The following MAP3K2 variants were observed in gnomAD, a reference collection of about 807,000 sequenced individuals.
The protein encoded by MAP3K2 is MAP/ERK kinase kinase 2.
MAP3K2 carries 24 observed loss-of-function variants against 80.3 expected under a neutral mutation model. The ratio of observed to expected loss-of-function variants is 0.30; its 90% CI spans 0.22 to 0.42. The LOEUF (loss-of-function observed/expected upper bound fraction) is 0.42. Ranked by LOEUF, MAP3K2 falls within the 10% of genes least tolerant of loss-of-function variation. MAP3K2 has a pLI of 1.00. For synonymous variants in MAP3K2, 244 were observed against 253.7 expected (o/e 0.96, Z 0.36); for missense variants, 608 against 750.1 (o/e 0.81, Z 2.21).
At chr2:127,376,386 A>T (rs1000678839) in intron 1 of MAP3K2, among the ~76,000 whole-genome samples, 4 of 152,132 alleles carry the variant, frequency 2.6e-5, no homozygotes, top group African/African-American at 9.7e-5. Context: ...TTTGTCATTA[A>T]ATCTATACTG....
chr2:127,363,682 T>C (rs1188574437), intron 1 of MAP3K2, among the ~76,000 whole-genome samples: 14 of 152,232 alleles, frequency 9.2e-5, no homozygotes, highest in Admixed American at 6.5e-4. Context: ...GTCTTCATTA[T>C]ACAGGACCTT....
chr2:127,378,981 G>GTTGT (rs1558992125), intron 1 of MAP3K2, among the ~76,000 whole-genome samples: 4 of 88,050 alleles, frequency 4.5e-5, no homozygotes, highest in South Asian at 4.2e-4. Flanking sequence ...GTTTTTTGTT[G>GTTGT]TTTTTTTTTT....
At chr2:127,363,339 C>T (rs1686921514) in intron 1 of MAP3K2, among the ~76,000 whole-genome samples, 1 of 152,164 alleles carries the variant, frequency 6.6e-6, no homozygotes, top group South Asian at 2.1e-4. Context: ...AAAATGCTAA[C>T]ATCCTCTAAA....
chr2:127,300,716 T>C lies in MAP3K2; in HGVS notation c.*6863A>G, dbSNP rs1023549212. On this transcript the variant is annotated 3_prime_UTR_variant, in exon 17 of 17. Transcript: ENST00000682094. Reference sequence around the variant, plus strand: ...ATTGTTGGTCTTTAAAGAAGTATTCTTATCCTTAGACACTGTACTTTCAAT... The same window carrying C: ...ATTGTTGGTCTTTAAAGAAGTATTCCTATCCTTAGACACTGTACTTTCAAT... The C allele has an allele frequency of 2.0e-5, 3 of 152,226 alleles. No individual in the cohort carries two copies. Among genetic ancestry groups the C allele is most frequent in the African/African-American group, 7.2e-5 (3 of 41,470 alleles). The allele number at this position is 152,226 out of a possible 1,614,324, so 9.4% of individuals were successfully genotyped here. A position where few individuals can be genotyped will look rare whatever the true frequency, so the allele number is the denominator to read the frequency against.
intron 1 of MAP3K2, among the ~76,000 whole-genome samples, chr2:127,347,548 T>TGC (rs1686617944): frequency 1.3e-5 from 2 of 152,186 alleles, no homozygotes; most frequent in African/African-American, 4.8e-5. Context: ...AAATGCAGCT[T>TGC]GCACTCTAAA....
Position 127,387,420 on chromosome 2 carries a change from ACAAGCGCGCGCG to A in MAP3K2, c.-66+20_-66+31del, listed in dbSNP as rs1261948762. The A allele has an allele frequency of 1.0e-6, 1 of 966,524 alleles. No individual in the cohort carries two copies. The highest frequency in any genetic ancestry group is 1.8e-5 in the African/African-American group (1 of 56,192). The allele number at this position is 966,524 out of a possible 1,614,324, so 59.9% of individuals were successfully genotyped here. On this transcript the variant is annotated intron_variant, in intron 1 of 16. Transcript: ENST00000682094. The stretch of plus-strand genomic sequence containing the variant: ...CGCGCACACACACACACACACACAC[ACAAGCGCGCGCG>A]CACGCACACACGCACGTACCGGCTG...
intron 1 of MAP3K2, among the ~76,000 whole-genome samples, chr2:127,349,213 T>C (rs1573996864): frequency 6.6e-6 from 1 of 152,130 alleles, no homozygotes; most frequent in African/African-American, 2.4e-5. Context: ...CAGGTTAGAG[T>C]GCACTGGCAT....
chr2:127,387,906 C>G lies in MAP3K2; in HGVS notation c.-520G>C, dbSNP rs921167065. ...ACCCCCGAACGCTGCGCCCAGCGGC[C>G]GCGGCACCCTCGTCAGGCGCCGCCG... On this transcript the variant is annotated 5_prime_UTR_variant, in exon 1 of 17. Coordinates refer to ENST00000682094, the MANE Select transcript of MAP3K2 (RefSeq NM_001371910.2). 6.8e-5 allele frequency: 67 copies of G among 982,104 alleles called. No homozygotes were observed. Among genetic ancestry groups the G allele is most frequent in the Non-Finnish European group, 7.9e-5 (65 of 827,206 alleles). 60.8% of individuals were successfully genotyped at this position (982,104 alleles called of 1,614,324 possible). A position where few individuals can be genotyped will look rare whatever the true frequency, so the allele number is the denominator to read the frequency against.
rs751537233 is a variant in MAP3K2, at chr2:127,339,085, GT to G, written c.5-36del. 7.8e-7 allele frequency: 1 copy of G among 1,277,912 alleles called. No individual in the cohort carries two copies. Among genetic ancestry groups the G allele is most frequent in the Non-Finnish European group, 1.1e-6 (1 of 893,020 alleles). The allele number at this position is 1,277,912 out of a possible 1,614,324, so 79.2% of individuals were successfully genotyped here. On this transcript the variant is annotated intron_variant, in intron 2 of 16. Transcript: ENST00000682094. This position sits in a 1 kb window ranked among gnomAD's most constrained non-coding sequence, Gnocchi z 4.2. ...TTTGAAACAACACATACATAGAATTGTAATTGTGACATATATATCAACATGT... is the reference window on the plus strand; with the variant it reads ...TTTGAAACAACACATACATAGAATTGAATTGTGACATATATATCAACATGT...
chr2:127,378,789 TG>T (rs1687192670), intron 1 of MAP3K2, among the ~76,000 whole-genome samples: 1 of 152,040 alleles, frequency 6.6e-6, no homozygotes, highest in Non-Finnish European at 1.5e-5. Flanking sequence ...GTTTTTGAGA[TG>T]GGGTCTCACT....
At chr2:127,348,908 G>T (rs1386851608) in intron 1 of MAP3K2, among the ~76,000 whole-genome samples, 1 of 152,046 alleles carries the variant, frequency 6.6e-6, no homozygotes, top group Non-Finnish European at 1.5e-5. Flanking sequence ...AGATATGCTG[G>T]TTTTTCAAAA....
At chr2:127,315,370 G>C (rs1685881086) in intron 14 of MAP3K2, among the ~76,000 whole-genome samples, 2 of 152,126 alleles carry the variant, frequency 1.3e-5, no homozygotes, top group South Asian at 4.1e-4. Context: ...TTTTTTGACA[G>C]GAAAATACAT....
chr2:127,386,061 T>C (rs1687341243), intron 1 of MAP3K2, among the ~76,000 whole-genome samples: 1 of 152,224 alleles, frequency 6.6e-6, no homozygotes, highest in African/African-American at 2.4e-5. Context: ...AACTTTGTAA[T>C]TTCACCTTTT....
rs780868604 is a variant in MAP3K2, at chr2:127,329,933, G to C, written c.454C>G (p.Leu152Val). 1.9e-6 allele frequency: 3 copies of C among 1,592,394 alleles called. No individual in the cohort carries two copies. Among genetic ancestry groups the C allele is most frequent in the Non-Finnish European group, 1.7e-6 (2 of 1,161,568 alleles). ...TVFGAERKKR[L>V]SIIGPTSRDR... Reference sequence around the variant, plus strand: ...ACTAGTTTCTTACCTATTATAGATAGCCGTTTTTTCCTCTCTGCTCCAAAT... The same window carrying C: ...ACTAGTTTCTTACCTATTATAGATACCCGTTTTTTCCTCTCTGCTCCAAAT... Residue 152 changes from leucine (L) to valine (V), a missense_variant, in exon 7 of 17, where the codon CTA becomes GTA. Physicochemically the swap from Leu to Val is conservative, Grantham distance 32 (BLOSUM62 1). Coordinates refer to ENST00000682094, the MANE Select transcript of MAP3K2 (RefSeq NM_001371910.2).
In MAP3K2 at chr2:127,387,834, C is replaced by T; in HGVS notation, c.-448G>A. The T allele has an allele frequency of 1.0e-6, 1 of 984,992 alleles. No homozygotes were observed. Among genetic ancestry groups the T allele is most frequent in the Non-Finnish European group, 1.2e-6 (1 of 829,752 alleles). 61.0% of individuals were successfully genotyped at this position (984,992 alleles called of 1,614,324 possible). A position where few individuals can be genotyped will look rare whatever the true frequency, so the allele number is the denominator to read the frequency against. On this transcript the variant is annotated 5_prime_UTR_variant, in exon 1 of 17. Coordinates refer to ENST00000682094, the MANE Select transcript of MAP3K2 (RefSeq NM_001371910.2). Reference sequence around the variant, plus strand: ...GGAGTGGCGACTCTGCGGACAGGGGCGCCGAGCGTCCTGGTCGTTGTTTTC... The same window carrying T: ...GGAGTGGCGACTCTGCGGACAGGGGTGCCGAGCGTCCTGGTCGTTGTTTTC...
chr2:127,334,673 G>C (rs773785374), intron 5 of MAP3K2, among the ~76,000 whole-genome samples: 11 of 152,062 alleles, frequency 7.2e-5, no homozygotes, highest in Non-Finnish European at 1.6e-4. Flanking sequence ...TGAACTCCCG[G>C]CCTCAGGTGA....
intron 1 of MAP3K2, among the ~76,000 whole-genome samples, chr2:127,386,091 C>T (rs963069433): frequency 2.6e-5 from 4 of 152,154 alleles, no homozygotes. Flanking sequence ...GACTGCAAGA[C>T]CACAAATTTT....
intron 1 of MAP3K2, among the ~76,000 whole-genome samples, chr2:127,349,589 T>A (rs1013329807): frequency 6.6e-6 from 1 of 152,122 alleles, no homozygotes; most frequent in African/African-American, 2.4e-5. Flanking sequence ...GAAGAAAACA[T>A]CTAGTCTAAA....
At chr2:127,326,514 C>G (rs1018964091) in intron 8 of MAP3K2, among the ~76,000 whole-genome samples, 173 bp downstream of exon 8, 15 of 152,140 alleles carry the variant, frequency 9.9e-5, no homozygotes, top group Non-Finnish European at 1.6e-4. Context: ...TTTCTTTATA[C>G]AGGCACATGT....
Sources: allele counts gnomAD v4.1 joint callset (sites outside exome capture counted in the v4.1 genomes callset), GRCh38; gene constraint gnomAD v4.1.1; non-coding constraint Gnocchi (gnomAD v3.1); transcripts MANE v1.5; gene names NCBI Gene and HGNC (gene_info 2026-07-23, HGNC 2026-07-21).